The following NAA35 variants were observed in gnomAD, a reference collection of about 807,000 sequenced individuals.
The protein encoded by NAA35 is N-alpha-acetyltransferase 35, NatC auxiliary subunit.
Under a neutral mutation model 101.7 loss-of-function variants are expected in NAA35, and 18 were observed. That is an observed-to-expected ratio of 0.18 (90% CI 0.12 to 0.26). The LOEUF is 0.26. NAA35 is among the 10% of genes least tolerant of loss of function. The probability of loss-of-function intolerance (pLI) is 1.00; values close to 1 mark genes in which losing one functional copy is unlikely to be tolerated. For missense variants in NAA35, 601 were observed against 886.8 expected, an observed-to-expected ratio of 0.68 and a Z score of 4.09; for synonymous variants, 267 against 273.1, an observed-to-expected ratio of 0.98 and a Z score of 0.22.
At chr9:85,957,395 A>G (rs1040597100) in intron 3 of NAA35, among the ~76,000 whole-genome samples, 1 of 152,198 alleles carries the variant, frequency 6.6e-6, no homozygotes, top group Non-Finnish European at 1.5e-5. Context: ...GCACAGGTGC[A>G]AGAAAACCTT....
intron 16 of NAA35, 50 bp from the exon 17 acceptor site, chr9:86,013,669 T>G: frequency 6.5e-7 from 1 of 1,533,354 alleles, no homozygotes. Context: ...GTTCTGTCAT[T>G]ACCTTAAGAA....
chr9:85,976,539 A>G, intron 8 of NAA35, 146 bp from the exon 9 acceptor site: 2 of 531,720 alleles, frequency 3.8e-6, no homozygotes, highest in Non-Finnish European at 3.3e-6. Context: ...GAGGAATGTA[A>G]ATACTAGACA....
chr9:85,941,781 C>G (rs755177755), intron 1 of NAA35: 2 of 996,130 alleles, frequency 2.0e-6, no homozygotes, highest in African/African-American at 3.5e-5. Flanking sequence ...GCATGGGGTC[C>G]TGGGCTGCGA....
chr9:86,002,880 A>AACTGGTGCAGTCATTTGGAGG (rs1467869823), intron 12 of NAA35, among the ~76,000 whole-genome samples: 16 of 152,102 alleles, frequency 1.1e-4, no homozygotes, highest in Middle Eastern at 3.2e-3. Flanking sequence ...CATGTTGGAG[A>AACTGGTGCAGTCATTTGGAGG]ACTGGTGCAG....
intron 3 of NAA35, among the ~76,000 whole-genome samples, chr9:85,957,133 A>G (rs1314564137): frequency 6.6e-6 from 1 of 152,232 alleles, no homozygotes; most frequent in Admixed American, 6.5e-5. Flanking sequence ...AACTACTGGT[A>G]GCCTATCATT....
intron 13 of NAA35, among the ~76,000 whole-genome samples, chr9:86,007,069 AT>A (rs1425565886): frequency 3.9e-5 from 6 of 152,202 alleles, no homozygotes; most frequent in African/African-American, 1.4e-4. Flanking sequence ...TTTTTAATAC[AT>A]TAGCTCATTT....
chr9:86,007,068 C>G (rs907712502), intron 13 of NAA35, among the ~76,000 whole-genome samples: 3 of 152,060 alleles, frequency 2.0e-5, no homozygotes, highest in African/African-American at 7.2e-5. Context: ...TTTTTTAATA[C>G]ATTAGCTCAT....
intron 17 of NAA35, 40 bp downstream of exon 17, chr9:86,013,937 A>G (rs746435743): frequency 4.2e-6 from 6 of 1,428,244 alleles, no homozygotes; most frequent in East Asian, 2.3e-5. Context: ...GGTGGGTGCA[A>G]TGGATAAGAT....
intron 8 of NAA35, among the ~76,000 whole-genome samples, chr9:85,975,873 G>A (rs1236459083): frequency 6.6e-6 from 1 of 152,170 alleles, no homozygotes; most frequent in South Asian, 2.1e-4. Flanking sequence ...AGCTCAGTAA[G>A]TGGTGATATC....
At chr9:86,014,695 T>C (rs920007182) in intron 17 of NAA35, among the ~76,000 whole-genome samples, 1 of 152,214 alleles carries the variant, frequency 6.6e-6, no homozygotes, top group Non-Finnish European at 1.5e-5. Context: ...GGGAAAGTAA[T>C]TCTCTTCCAT....
intron 11 of NAA35, among the ~76,000 whole-genome samples, chr9:85,983,781 T>G (rs943657028): frequency 6.6e-6 from 1 of 152,030 alleles, no homozygotes; most frequent in African/African-American, 2.4e-5. Flanking sequence ...AACCTGCATG[T>G]TCTGCACATG....
chr9:85,976,954 G>A (rs1830236717), intron 9 of NAA35, among the ~76,000 whole-genome samples: 1 of 152,062 alleles, frequency 6.6e-6, no homozygotes, highest in African/African-American at 2.4e-5. Flanking sequence ...ATTCCTGTGA[G>A]GTAGGAAGAA....
chr9:86,010,940 T>C (rs1260008783), intron 15 of NAA35, among the ~76,000 whole-genome samples: 1 of 151,638 alleles, frequency 6.6e-6, no homozygotes, highest in Non-Finnish European at 1.5e-5. Context: ...TGAACTGAGT[T>C]ATAATAAAAT....
chr9:85,975,938 A>T (rs1830190469), intron 8 of NAA35, among the ~76,000 whole-genome samples: 1 of 152,128 alleles, frequency 6.6e-6, no homozygotes, highest in African/African-American at 2.4e-5. Context: ...CTTTTCATAG[A>T]GATGGGGGAA....
chr9:86,014,649 A>G (rs1832113233), intron 17 of NAA35, among the ~76,000 whole-genome samples: 1 of 152,194 alleles, frequency 6.6e-6, no homozygotes, highest in Non-Finnish European at 1.5e-5. Context: ...CTAGTAATTA[A>G]GTTATTCTGT....
At chr9:85,973,150 T>C (rs536988358) in intron 6 of NAA35, among the ~76,000 whole-genome samples, 1 of 152,268 alleles carries the variant, frequency 6.6e-6, no homozygotes, top group African/African-American at 2.4e-5. Context: ...GTGTTTGGTA[T>C]GTTTGAATGA....
chr9:85,967,933 T>A (rs552437777), intron 6 of NAA35, among the ~76,000 whole-genome samples: 1 of 152,116 alleles, frequency 6.6e-6, no homozygotes, highest in Non-Finnish European at 1.5e-5. Flanking sequence ...TTTCTTAACA[T>A]CTTGCTCACA....
intron 6 of NAA35, among the ~76,000 whole-genome samples, chr9:85,970,808 T>C (rs1288920698): frequency 2.6e-5 from 4 of 152,218 alleles, no homozygotes; most frequent in African/African-American, 7.2e-5. Flanking sequence ...ATTTGGTAAT[T>C]GTACTGTGAT....
intron 2 of NAA35, among the ~76,000 whole-genome samples, chr9:85,944,830 A>G (rs372857225): frequency 8.1e-4 from 123 of 152,344 alleles, no homozygotes; most frequent in African/African-American, 2.9e-3. Flanking sequence ...AGGCAGCTGT[A>G]CAAATTTTTA....
Sources: gnomAD v4.1 joint callset for allele counts (sites outside exome capture counted in the v4.1 genomes callset) on GRCh38, gnomAD v4.1.1 for gene constraint, MANE v1.5 for transcripts, NCBI Gene and HGNC (gene_info 2026-07-23, HGNC 2026-07-21) for gene names.